Variants in NKIRAS1 observed in about 807,000 individuals in gnomAD.
NKIRAS1 encodes NFKB inhibitor interacting Ras like 1.
NKIRAS1 carries 16 observed loss-of-function variants against 19.8 expected under a neutral mutation model. The observed-to-expected ratio is 0.81, with a 90% CI of 0.55 to 1.23. The LOEUF is 1.23. Among genes scored for constraint, NKIRAS1 ranks in the 50% most tolerant of loss-of-function variants. NKIRAS1 has a pLI of 0.00. For missense variants in NKIRAS1, 184 were observed against 220.0 expected (o/e 0.84, Z 1.04); for synonymous variants, 88 against 79.0 (o/e 1.11, Z -0.61).
chr3:23,946,112 G>A (rs995543666), intron 1 of NKIRAS1: 8 of 984,848 alleles, frequency 8.1e-6, no homozygotes, highest in Non-Finnish European at 9.6e-6. Flanking sequence ...CAGTGACGTC[G>A]CCGCGATTCC....
At chr3:23,935,442 G>T (rs1705377003) in intron 1 of NKIRAS1, among the ~76,000 whole-genome samples, 1 of 151,870 alleles carries the variant, frequency 6.6e-6, no homozygotes, top group Non-Finnish European at 1.5e-5. Context: ...TTGAGATGGG[G>T]TCTTGTTCTG....
chr3:23,945,963 G>T (rs929037933), intron 1 of NKIRAS1, among the ~76,000 whole-genome samples: 4 of 151,460 alleles, frequency 2.6e-5, no homozygotes, highest in Non-Finnish European at 4.4e-5. Flanking sequence ...CGGCGGGCGG[G>T]GACACGTGAG....
intron 1 of NKIRAS1, among the ~76,000 whole-genome samples, chr3:23,930,005 C>A (rs1278759904): frequency 6.6e-6 from 1 of 151,958 alleles, no homozygotes; most frequent in East Asian, 1.9e-4. Flanking sequence ...AATGGATAAT[C>A]TGGACAAACA....
chr3:23,945,551 C>A, intron 1 of NKIRAS1: 1 of 1,147,822 alleles, frequency 8.7e-7, no homozygotes, highest in Non-Finnish European at 1.1e-6. Context: ...GGGAAGCGGG[C>A]GGCCCCGGCC....
chr3:23,898,163 TGGGAAATAC>T (rs1702167328), intron 4 of NKIRAS1, among the ~76,000 whole-genome samples: 1 of 152,080 alleles, frequency 6.6e-6, no homozygotes, highest in Non-Finnish European at 1.5e-5. Context: ...GTGGGAAAGA[TGGGAAATAC>T]GGGGGAGAGG....
At chr3:23,903,692 C>T (rs1702739355) in intron 3 of NKIRAS1, among the ~76,000 whole-genome samples, 1 of 151,924 alleles carries the variant, frequency 6.6e-6, no homozygotes, top group African/African-American at 2.4e-5. Flanking sequence ...AGATGATAAA[C>T]AGGAAAGGGG....
chr3:23,899,653 G>A (rs766123272), intron 4 of NKIRAS1, among the ~76,000 whole-genome samples: 1 of 152,206 alleles, frequency 6.6e-6, no homozygotes, highest in Non-Finnish European at 1.5e-5. Flanking sequence ...AAAACAGAAA[G>A]TAGACTGGTG....
At chr3:23,929,287 C>T (rs1705265830) in intron 1 of NKIRAS1, among the ~76,000 whole-genome samples, 1 of 151,970 alleles carries the variant, frequency 6.6e-6, no homozygotes, top group East Asian at 1.9e-4. Flanking sequence ...TGGCTTGAAC[C>T]CAGGAGGCAG....
chr3:23,930,612 C>CTA (rs1167144132), intron 1 of NKIRAS1, among the ~76,000 whole-genome samples: 2 of 152,030 alleles, frequency 1.3e-5, no homozygotes, highest in Admixed American at 6.5e-5. Context: ...AATAACTAAT[C>CTA]TATATATATA....
chr3:23,945,619 G>T, intron 1 of NKIRAS1: 1 of 1,176,372 alleles, frequency 8.5e-7, no homozygotes, highest in African/African-American at 1.6e-5. Context: ...GCGGCGGGTG[G>T]GGGATGGCCG....
chr3:23,935,280 T>G (rs955017410), intron 1 of NKIRAS1, among the ~76,000 whole-genome samples: 2 of 151,580 alleles, frequency 1.3e-5, no homozygotes, highest in African/African-American at 4.9e-5. Flanking sequence ...AAATAATAAA[T>G]TAAATCTTAG....
upstream of NKIRAS1, chr3:23,917,253 G>A (rs944306358): frequency 3.3e-5 from 5 of 152,520 alleles, no homozygotes; most frequent in Admixed American, 2.0e-4. Flanking sequence ...CGGGGACCCT[G>A]CGTCCTCGGA....
chr3:23,908,840 TTC>T (rs1276751143), intron 3 of NKIRAS1, among the ~76,000 whole-genome samples: 2 of 144,814 alleles, frequency 1.4e-5, no homozygotes, highest in Non-Finnish European at 3.0e-5. Context: ...GATAATTTCT[TTC>T]TTTCTTTTTT....
intron 3 of NKIRAS1, among the ~76,000 whole-genome samples, chr3:23,908,447 C>A (rs1034759666): frequency 6.6e-6 from 1 of 152,166 alleles, no homozygotes; most frequent in Non-Finnish European, 1.5e-5. Context: ...GGATTTTCTT[C>A]ATATATTTCA....
upstream of NKIRAS1, chr3:23,921,903 C>T (rs1303991987): frequency 5.1e-6 from 2 of 394,002 alleles, no homozygotes; most frequent in Non-Finnish European, 9.0e-6. Flanking sequence ...CAGACAGGAT[C>T]TCACTATGTT....
At chr3:23,934,560 C>T (rs4564908) in intron 1 of NKIRAS1, among the ~76,000 whole-genome samples, 2 of 151,810 alleles carry the variant, frequency 1.3e-5, no homozygotes, top group Non-Finnish European at 2.9e-5. Context: ...CTTTATGCTG[C>T]GATCAGCCCT....
At chr3:23,909,277 T>A (rs1248628640) in intron 3 of NKIRAS1, among the ~76,000 whole-genome samples, 2 of 152,120 alleles carry the variant, frequency 1.3e-5, no homozygotes, top group African/African-American at 4.8e-5. Context: ...ATCCCAGCAC[T>A]TTGGGAGGCC....
Position 23,892,093 on chromosome 3 carries a change from T to C in NKIRAS1, c.*1002A>G, listed in dbSNP as rs1204093917. ...TGTTACAAATTACTTGATGTTTTAA[T>C]ATGTTCTTTGTTGAATAGCTTATTT... On this transcript the variant is annotated 3_prime_UTR_variant, in exon 5 of 5. Transcript: ENST00000425478. The C allele has an allele frequency of 1.3e-5, 2 of 152,366 alleles. No individual in the cohort carries two copies. Among genetic ancestry groups the C allele is most frequent in the East Asian group, 3.9e-4 (2 of 5,194 alleles). 9.4% of individuals were successfully genotyped at this position (152,366 alleles called of 1,614,324 possible).
At chr3:23,912,441 T>C (rs560961483) in intron 1 of NKIRAS1, among the ~76,000 whole-genome samples, 1 of 152,128 alleles carries the variant, frequency 6.6e-6, no homozygotes, top group African/African-American at 2.4e-5. Flanking sequence ...CATGAAAAAA[T>C]GCTCATCATC....
Sources: gnomAD v4.1 joint callset for allele counts (sites outside exome capture counted in the v4.1 genomes callset) on GRCh38, gnomAD v4.1.1 for gene constraint, MANE v1.5 for transcripts, NCBI Gene and HGNC (gene_info 2026-07-23, HGNC 2026-07-21) for gene names.